Variants in FAM234B observed in about 807,000 individuals in gnomAD.
FAM234B encodes the protein family with sequence similarity 234 member B.
In FAM234B, 33 loss-of-function variants were observed where a neutral mutation model predicts 69.3. That is an observed-to-expected ratio of 0.48 (90% CI 0.36 to 0.64). FAM234B has a LOEUF of 0.64. Ranked by LOEUF, FAM234B falls within the 30% of genes least tolerant of loss-of-function variation. The pLI is 0.00. For missense variants in FAM234B, 697 were observed against 769.7 expected, an observed-to-expected ratio of 0.91 and a Z score of 1.12; for synonymous variants, 306 against 306.9, an observed-to-expected ratio of 1.00 and a Z score of 0.03.
chr12:13,056,096 T>A, intron 2 of FAM234B, 150 bp downstream of exon 2: 2 of 797,220 alleles, frequency 2.5e-6, no homozygotes, highest in Non-Finnish European at 3.7e-6. Context: ...GCAAGGAGAT[T>A]AAGATTTGAA....
chr12:13,072,521 G>C (rs1865117165), intron 10 of FAM234B, among the ~76,000 whole-genome samples: 1 of 152,072 alleles, frequency 6.6e-6, no homozygotes. Context: ...CACAAGGTCA[G>C]GAGTTCGATA....
At chr12:13,056,435 G>A (rs140135868) in intron 2 of FAM234B, among the ~76,000 whole-genome samples, 2 of 152,114 alleles carry the variant, frequency 1.3e-5, no homozygotes, top group Admixed American at 6.5e-5. Flanking sequence ...TGGTTAGGGC[G>A]GTGCTGTCTG....
intron 1 of FAM234B, among the ~76,000 whole-genome samples, chr12:13,048,759 A>G (rs1403852162): frequency 1.3e-5 from 2 of 152,228 alleles, no homozygotes; most frequent in African/African-American, 2.4e-5. Context: ...TGATAAAGAC[A>G]TACTTGAGAC....
chr12:13,071,166 T>C (rs1351552029), intron 9 of FAM234B, 75 bp from the exon 10 acceptor site: 8 of 1,503,758 alleles, frequency 5.3e-6, no homozygotes, highest in Non-Finnish European at 7.4e-6. Flanking sequence ...CCTGTGCATT[T>C]TTGTGTGTGC....
At chr12:13,079,417 A>G (rs1865199299) in intron 11 of FAM234B, among the ~76,000 whole-genome samples, 1 of 152,252 alleles carries the variant, frequency 6.6e-6, no homozygotes. Flanking sequence ...AAACACTGGC[A>G]AGGTAAATCG....
At chr12:13,068,162 C>A in intron 7 of FAM234B, 142 bp from the exon 8 acceptor site, 2 of 765,776 alleles carry the variant, frequency 2.6e-6, no homozygotes, top group African/African-American at 1.7e-5. Context: ...AACAACAGTA[C>A]ATCCCACTTG....
intron 1 of FAM234B, among the ~76,000 whole-genome samples, chr12:13,046,149 TGC>T: frequency 1.1e-5 from 1 of 94,360 alleles, no homozygotes; most frequent in East Asian, 6.9e-4. Context: ...AATGTTCACT[TGC>T]GTCTACGGCC....
At position 13,067,026 on chromosome 12, in the gene FAM234B, C is replaced by T. The variant is rs1319041371; in HGVS notation, c.1001-129C>T. ...CACTTAATCACCTCCCCACTTGTTCCGTGTTGTCCAGTCTGGGCGGGCTCT... is the reference window on the plus strand; with the variant it reads ...CACTTAATCACCTCCCCACTTGTTCTGTGTTGTCCAGTCTGGGCGGGCTCT... On this transcript the variant is annotated intron_variant, in intron 6 of 12. Transcript: ENST00000197268. The surrounding 1 kb of genome is among the most constrained non-coding windows in gnomAD (Gnocchi z 4.7). 9.9e-6 allele frequency: 11 copies of T among 1,108,520 alleles called. No homozygotes were observed. Among genetic ancestry groups the T allele is most frequent in the Non-Finnish European group, 1.4e-5 (11 of 763,496 alleles). 68.7% of individuals were successfully genotyped at this position (1,108,520 alleles called of 1,614,324 possible).
chr12:13,071,175 G>T lies in FAM234B; in HGVS notation c.1369-66G>T. The T allele has an allele frequency of 1.9e-6, 3 of 1,545,618 alleles. No individual in the cohort carries two copies. The South Asian group carries it at 3.4e-5, about 17-fold the overall frequency. ...TGAATACCTGTGCATTTTTGTGTGT[G>T]CATTTTCTGGGCCTGCTGCTTTTTT... On this transcript the variant is annotated intron_variant, in intron 9 of 12. Transcript: ENST00000197268.
chr12:13,046,701 C>T (rs1042319240), intron 1 of FAM234B, among the ~76,000 whole-genome samples: 3 of 152,024 alleles, frequency 2.0e-5, no homozygotes, highest in African/African-American at 4.8e-5. Flanking sequence ...CTCAGGTGAT[C>T]GCCTGCCTTG....
Position 13,070,172 on chromosome 12 carries a change from GATATATATATATATATATAT to G in FAM234B, c.1369-1049_1369-1030del, listed in dbSNP as rs66463903. Among the ~76,000 whole-genome samples, 22 of 139,768 alleles carry G rather than the reference GATATATATATATATATATAT, an allele frequency of 1.6e-4. 1 individual carries two copies. In the East Asian group the frequency reaches 2.4e-3, roughly 15 times the overall value. The allele number at this position is 139,768 out of a possible 152,430, so 91.7% of individuals were successfully genotyped here. A position where few individuals can be genotyped will look rare whatever the true frequency, so the allele number is the denominator to read the frequency against. On this transcript the variant is annotated intron_variant, in intron 9 of 12. Coordinates refer to ENST00000197268, the MANE Select transcript of FAM234B (RefSeq NM_020853.2). ...AGTTAAACTATAATAATTAAAAAAA[GATATATATATATATATATAT>G]ATATATATATATATATATAAAATGA...
intron 10 of FAM234B, among the ~76,000 whole-genome samples, chr12:13,074,058 G>T (rs930339581): frequency 6.6e-6 from 1 of 152,192 alleles, no homozygotes; most frequent in African/African-American, 2.4e-5. Context: ...CAGAATTTGT[G>T]TTACTTTGAT....
intron 2 of FAM234B, among the ~76,000 whole-genome samples, chr12:13,058,019 A>T (rs1160130130): frequency 1.3e-5 from 2 of 152,276 alleles, no homozygotes; most frequent in African/African-American, 4.8e-5. Context: ...TAGAGCAGTT[A>T]TTATCTACAA....
At chr12:13,068,771 C>T in intron 9 of FAM234B, 60 bp downstream of exon 9, 2 of 1,151,116 alleles carry the variant, frequency 1.7e-6, no homozygotes, top group Non-Finnish European at 2.6e-6. Context: ...TTGTGTCCAA[C>T]CCTGTGTTAG....
chr12:13,064,524 G>A (rs546952742), intron 5 of FAM234B, among the ~76,000 whole-genome samples: 4 of 152,280 alleles, frequency 2.6e-5, no homozygotes, highest in Admixed American at 2.6e-4. Flanking sequence ...ATAGTAAGGA[G>A]GTCTCCACTG....
At chr12:13,055,323 T>C (rs567833710) in intron 1 of FAM234B, among the ~76,000 whole-genome samples, 2 of 152,256 alleles carry the variant, frequency 1.3e-5, no homozygotes, top group African/African-American at 2.4e-5. Flanking sequence ...CTTAAACTCA[T>C]GCAGGCAGTG....
intron 11 of FAM234B, 33 bp downstream of exon 11, chr12:13,076,176 G>A (rs564192851): frequency 1.4e-5 from 21 of 1,453,782 alleles, no homozygotes; most frequent in East Asian, 4.5e-5. Flanking sequence ...GTCTGTGTAC[G>A]CAGATGGTGG....
At chr12:13,050,999 G>A (rs1235843050) in intron 1 of FAM234B, among the ~76,000 whole-genome samples, 1 of 152,320 alleles carries the variant, frequency 6.6e-6, no homozygotes, top group African/African-American at 2.4e-5. Flanking sequence ...AGTGCATTTA[G>A]TTCATAAATT....
chr12:13,047,536 G>T (rs1847061919), intron 1 of FAM234B, among the ~76,000 whole-genome samples: 1 of 152,114 alleles, frequency 6.6e-6, no homozygotes. Flanking sequence ...AAACGTTTGG[G>T]TATGGTATAG....
Sources: allele counts gnomAD v4.1 joint callset (sites outside exome capture counted in the v4.1 genomes callset), GRCh38; gene constraint gnomAD v4.1.1; non-coding constraint Gnocchi (gnomAD v3.1); transcripts MANE v1.5; gene names NCBI Gene and HGNC (gene_info 2026-07-23, HGNC 2026-07-21).